Variants in SLC12A9 observed in about 807,000 individuals in gnomAD.
SLC12A9 encodes the protein solute carrier family 12 member 9.
A neutral mutation model predicts 66.0 loss-of-function variants in SLC12A9; 55 were observed. The observed-to-expected ratio is 0.83, with a 90% CI of 0.67 to 1.04. SLC12A9 has a LOEUF of 1.04. SLC12A9 is among the 50% of genes least tolerant of loss of function. The pLI, the probability that SLC12A9 is intolerant of heterozygous loss-of-function variation, is 0.00. For synonymous variants in SLC12A9, 577 were observed against 569.0 expected, an observed-to-expected ratio of 1.01 and a Z score of -0.20; for missense variants, 1,061 against 1,241.9, an observed-to-expected ratio of 0.85 and a Z score of 2.19.
Position 100,859,125 on chromosome 7 carries a change from TC to T in SLC12A9, c.943del (p.Leu315CysfsTer33). On this transcript the variant is annotated frameshift_variant, in exon 7 of 14. Transcript: ENST00000354161. LOFTEE classifies it high-confidence loss of function. ...GTCGCCTACACCTTCTTCGTCTATG[TC>T]CTGCTTTTCTTTCTCTCCAGCTTCA... ...VAVAYTFFVYVLLFFLSSFTC... is the reference protein window; with the variant it reads ...VAVAYTFFVYXLLFFLSSFTC... 6.2e-7 allele frequency: 1 copy of T among 1,614,102 alleles called. No homozygotes were observed. The highest frequency in any genetic ancestry group is 1.1e-5 in the South Asian group (1 of 91,088).
Position 100,865,198 on chromosome 7 carries a change from T to C in SLC12A9, c.1859-521T>C, listed in dbSNP as rs1023457481. On this transcript the variant is annotated intron_variant, in intron 13 of 13. Coordinates refer to ENST00000354161, the MANE Select transcript of SLC12A9 (RefSeq NM_020246.4). ...GTCTCAAACTCCTGATCTCAGGTGA[T>C]CAACGTGCCTCAGCTTCCCAAGATG... 1.2e-5 allele frequency: 17 copies of C among 1,463,568 alleles called. No homozygotes were observed. In the East Asian group the frequency reaches 1.5e-4, roughly 13 times the overall value. The allele number at this position is 1,463,568 out of a possible 1,614,324, so 90.7% of individuals were successfully genotyped here.
intron 13 of SLC12A9, among the ~76,000 whole-genome samples, chr7:100,863,317 C>T (rs1413294019): frequency 5.3e-5 from 8 of 152,062 alleles, no homozygotes; most frequent in African/African-American, 1.4e-4. Flanking sequence ...CTACCCGCCT[C>T]GGCCTCCCAA....
At chr7:100,849,657 G>A (rs1041659478), upstream of SLC12A9, among the ~76,000 whole-genome samples, 1 of 151,434 alleles carries the variant, frequency 6.6e-6, no homozygotes, top group African/African-American at 2.4e-5. Context: ...GGAGGGTGCA[G>A]TGAGCTGAGA....
upstream of SLC12A9, among the ~76,000 whole-genome samples, chr7:100,847,713 A>G (rs1813949091): frequency 6.6e-6 from 1 of 152,066 alleles, no homozygotes; most frequent in Admixed American, 6.6e-5. Context: ...AGAGGACCAC[A>G]GGAGGAGCAG....
Position 100,860,177 on chromosome 7 carries a change from T to C in SLC12A9, c.1163T>C (p.Val388Ala). 6.2e-7 allele frequency: 1 copy of C among 1,614,238 alleles called. No homozygotes were observed. The highest frequency in any genetic ancestry group is 1.3e-5 in the African/African-American group (1 of 75,068). Residue 388 changes from valine to alanine, a missense_variant, in exon 9 of 14, where the codon GTG (valine) becomes GCG (alanine). By Grantham distance (64) the Val-to-Ala change is moderately conservative (BLOSUM62 0). Coordinates refer to ENST00000354161, the MANE Select transcript of SLC12A9 (RefSeq NM_020246.4). The stretch of plus-strand genomic sequence containing the variant: ...GTGATCTTGGCACCGGCCAAGGTTG[T>C]GTCCCGAGGGGGAAACCCCTGGGCA... ...FGVILAPAKV[V>A]SRGGNPWAAV...
chr7:100,864,132 G>A (rs1483732073), intron 13 of SLC12A9, among the ~76,000 whole-genome samples: 1 of 144,024 alleles, frequency 6.9e-6, no homozygotes, highest in Admixed American at 7.3e-5. Flanking sequence ...AGGCTGGAGT[G>A]CAGTGGCACA....
chr7:100,853,734 T>G (rs985721848), intron 1 of SLC12A9, among the ~76,000 whole-genome samples: 1 of 151,568 alleles, frequency 6.6e-6, no homozygotes, highest in African/African-American at 2.4e-5. Flanking sequence ...GCTAATTTTT[T>G]TTTTTTTCTT....
Position 100,861,767 on chromosome 7 carries a change from C to A in SLC12A9, c.1567C>A (p.Arg523=), listed in dbSNP as rs981273383. The change falls in exon 12 of 14, where the codon CGG becomes AGG. Residue 523 remains arginine (R), a synonymous_variant. Coordinates refer to ENST00000354161, the MANE Select transcript of SLC12A9 (RefSeq NM_020246.4). The surrounding 1 kb of genome is among the most constrained non-coding windows in gnomAD (Gnocchi z 5.3). ...VRKYLLRLDV[R]KDHVKFWRPQ... ...TAAGTATCTGCTTCGGCTGGACGTC[C>A]GGAAGGATCACGTGAAGTTCTGGCG... 1.2e-6 allele frequency: 2 copies of A among 1,614,082 alleles called. No individual in the cohort carries two copies. The highest frequency in any genetic ancestry group is 1.7e-5 in the Admixed American group (1 of 60,012).
intron 3 of SLC12A9, 77 bp from the exon 4 acceptor site, chr7:100,855,629 G>C: frequency 1.9e-6 from 3 of 1,601,552 alleles, no homozygotes; most frequent in Admixed American, 3.4e-5. Flanking sequence ...CTTGGGTTCA[G>C]TGCTTGGAGC....
rs1057202695 is a variant in SLC12A9 at position 100,859,305 on chromosome 7, C to T, written c.977+144C>T. On this transcript the variant is annotated intron_variant, in intron 7 of 13. Transcript: ENST00000354161. Reference sequence around the variant, plus strand: ...GCTACCGGCGATTGACAACCTATAGCCAGCAGCTGCCATGGACCCAGTACT... The same window carrying T: ...GCTACCGGCGATTGACAACCTATAGTCAGCAGCTGCCATGGACCCAGTACT... 2.8e-5 allele frequency: 20 copies of T among 723,338 alleles called. No individual in the cohort carries two copies. The Admixed American group carries it at 4.6e-4, about 17-fold the overall frequency. The allele number at this position is 723,338 out of a possible 1,614,324, so 44.8% of individuals were successfully genotyped here.
At chr7:100,852,244 G>T (rs1311205917), upstream of SLC12A9, among the ~76,000 whole-genome samples, 2 of 152,222 alleles carry the variant, frequency 1.3e-5, no homozygotes, top group Non-Finnish European at 2.9e-5. Context: ...TGGATCGGGC[G>T]CGAAGGGAGG....
intron 1 of SLC12A9, among the ~76,000 whole-genome samples, chr7:100,836,402 C>T (rs1022053706): frequency 6.6e-6 from 1 of 152,092 alleles, no homozygotes; most frequent in Non-Finnish European, 1.5e-5. Flanking sequence ...GGAGATGACG[C>T]AGGGCCTCAG....
intron 1 of SLC12A9, among the ~76,000 whole-genome samples, chr7:100,840,753 A>C (rs1379434083): frequency 2.0e-5 from 3 of 152,082 alleles, no homozygotes; most frequent in Non-Finnish European, 4.4e-5. Context: ...ATATACAAGC[A>C]GTTAAGAAAA....
intron 1 of SLC12A9, chr7:100,853,549 C>T (rs1814198221): frequency 7.7e-6 from 1 of 129,152 alleles, no homozygotes; most frequent in Admixed American, 9.1e-5. Flanking sequence ...TTCCTGTTTC[C>T]TTGCGGTTGT....
At chr7:100,862,080 C>G (rs1814794081) in intron 12 of SLC12A9, among the ~76,000 whole-genome samples, 169 bp downstream of exon 12, 1 of 151,980 alleles carries the variant, frequency 6.6e-6, no homozygotes, top group Non-Finnish European at 1.5e-5. Flanking sequence ...CTGCCTTAGC[C>G]TCCTGAGCTG....
chr7:100,848,661 C>T (rs965964727), upstream of SLC12A9, among the ~76,000 whole-genome samples: 39 of 152,034 alleles, frequency 2.6e-4, no homozygotes, highest in South Asian at 4.1e-4. Flanking sequence ...CCAAGGCGGG[C>T]GGATCACGAG....
chr7:100,865,265 T>C (rs2115572090), intron 13 of SLC12A9: 2 of 1,535,690 alleles, frequency 1.3e-6, no homozygotes, highest in East Asian at 4.9e-5. Context: ...GCCTGGTCCA[T>C]TTTTTCATCT....
In SLC12A9 at chr7:100,866,660, T is replaced by G. The variant is rs1815119720; in HGVS notation, c.*55T>G. ...GGCCCAGGCAGGCGGCCTATCCTGA[T>G]CCTTGGAGGAGGAGGAAGAGGAGGC... On this transcript the variant is annotated 3_prime_UTR_variant, in exon 14 of 14. Coordinates refer to ENST00000354161, the MANE Select transcript of SLC12A9 (RefSeq NM_020246.4). The surrounding 1 kb of genome is among the most constrained non-coding windows in gnomAD (Gnocchi z 7.3). The G allele has an allele frequency of 2.4e-5, 34 of 1,429,248 alleles. No homozygotes were observed. The highest frequency in any genetic ancestry group is 3.1e-5 in the Non-Finnish European group (34 of 1,087,514). The allele number at this position is 1,429,248 out of a possible 1,614,324, so 88.5% of individuals were successfully genotyped here. A position where few individuals can be genotyped will look rare whatever the true frequency, so the allele number is the denominator to read the frequency against.
In SLC12A9 at chr7:100,832,885, C is replaced by T. The variant is rs146711737; in HGVS notation, n.228+5838C>T. 7.4e-4 allele frequency among the ~76,000 whole-genome samples: 112 copies of T among 152,172 alleles called. No homozygotes were observed. In the East Asian group the frequency reaches 0.021, roughly 28 times the overall value. ...CGAACTCCCAGGCTCAAGCGATCCTCCTGCCTCAGCCTCCCAAGTAGCTGA... is the reference window on the plus strand; with the variant it reads ...CGAACTCCCAGGCTCAAGCGATCCTTCTGCCTCAGCCTCCCAAGTAGCTGA... On this transcript the variant is annotated intron_variant and non_coding_transcript_variant, in intron 1 of 1. Transcript: ENST00000461016.
Sources: gnomAD v4.1 joint callset for allele counts (sites outside exome capture counted in the v4.1 genomes callset) on GRCh38, gnomAD v4.1.1 for gene constraint, Gnocchi (gnomAD v3.1) non-coding constraint, MANE v1.5 for transcripts, NCBI Gene and HGNC (gene_info 2026-07-23, HGNC 2026-07-21) for gene names.